SLC35F4: variants seen among roughly 807,000 people sequenced by gnomAD.
The protein encoded by SLC35F4 is chromosome 14 open reading frame 36.
SLC35F4 carries 24 observed loss-of-function variants against 44.2 expected under a neutral mutation model. That is an observed-to-expected ratio of 0.54 (90% confidence interval 0.39 to 0.76). SLC35F4 has a LOEUF of 0.76. SLC35F4 is among the 30% of genes least tolerant of loss of function. The pLI, the probability that SLC35F4 is intolerant of heterozygous loss-of-function variation, is 0.00. For synonymous variants in SLC35F4, 238 were observed against 223.6 expected (o/e 1.06, Z -0.57); for missense variants, 562 against 586.1 (o/e 0.96, Z 0.42).
At chr14:57,632,909 A>G (rs997735162) in intron 1 of SLC35F4, among the ~76,000 whole-genome samples, 2 of 151,756 alleles carry the variant, frequency 1.3e-5, no homozygotes, top group East Asian at 1.9e-4. Context: ...CCTCCCTTCA[A>G]TCTATGACAA....
At chr14:57,566,604 AAT>A in intron 6 of SLC35F4, 40 bp from the exon 7 acceptor site, 1 of 1,541,322 alleles carries the variant, frequency 6.5e-7, no homozygotes, top group African/African-American at 1.4e-5. Context: ...AAAGAGAAAT[AAT>A]ACGCTGGACT....
At chr14:57,838,827 A>G (rs940621341) in intron 1 of SLC35F4, among the ~76,000 whole-genome samples, 3 of 152,352 alleles carry the variant, frequency 2.0e-5, no homozygotes, top group Admixed American at 2.0e-4. Context: ...AGCAAAAGGC[A>G]GGAAAATACA....
At chr14:57,800,267 C>T (rs1418347058) in intron 1 of SLC35F4, among the ~76,000 whole-genome samples, 2 of 152,102 alleles carry the variant, frequency 1.3e-5, no homozygotes, top group African/African-American at 4.8e-5. Flanking sequence ...TGCAGCAGTC[C>T]CTGCAGTAGA....
At chr14:57,742,170 G>A (rs1263501082) in intron 1 of SLC35F4, among the ~76,000 whole-genome samples, 4 of 152,084 alleles carry the variant, frequency 2.6e-5, no homozygotes, top group African/African-American at 7.2e-5. Context: ...ATCAACTAAC[G>A]AGCAAAATAA....
intron 1 of SLC35F4, among the ~76,000 whole-genome samples, chr14:57,853,479 A>G (rs965393001): frequency 2.0e-5 from 3 of 152,198 alleles, no homozygotes; most frequent in African/African-American, 7.2e-5. Context: ...GGGTTACAGG[A>G]GAGGGCCTCT....
intron 1 of SLC35F4, among the ~76,000 whole-genome samples, chr14:57,908,650 T>C (rs898493059): frequency 6.6e-6 from 1 of 152,176 alleles, no homozygotes; most frequent in African/African-American, 2.4e-5. Context: ...TTCTTGTAAA[T>C]TTGTTTCAGT....
intron 1 of SLC35F4, among the ~76,000 whole-genome samples, chr14:57,967,103 A>G (rs117614712): frequency 0.029 from 4,463 of 152,302 alleles, 80 homozygotes; most frequent in Non-Finnish European, 0.047. Context: ...TTTAAAGATA[A>G]TAATATTTTC....
At chr14:57,660,664 T>G (rs779216235) in intron 1 of SLC35F4, among the ~76,000 whole-genome samples, 12 of 152,096 alleles carry the variant, frequency 7.9e-5, no homozygotes, top group Non-Finnish European at 1.5e-4. Context: ...CTGTCTTTGT[T>G]GCTCAAGCTC....
chr14:57,685,326 T>TG (rs2075036010), intron 1 of SLC35F4, among the ~76,000 whole-genome samples: 1 of 152,136 alleles, frequency 6.6e-6, no homozygotes, highest in Non-Finnish European at 1.5e-5. Context: ...GTAGAGTACT[T>TG]GACTTCACCA....
chr14:57,648,132 A>G (rs1477452080), intron 1 of SLC35F4, among the ~76,000 whole-genome samples: 2 of 152,306 alleles, frequency 1.3e-5, no homozygotes, highest in East Asian at 3.9e-4. Context: ...AGCATCAGAT[A>G]TTATACCTCA....
intron 1 of SLC35F4, among the ~76,000 whole-genome samples, chr14:57,739,880 GAC>G (rs1287690639): frequency 2.0e-5 from 3 of 152,198 alleles, no homozygotes; most frequent in Non-Finnish European, 4.4e-5. Context: ...GTTGTTTTGA[GAC>G]AGTGTCTCAC....
At chr14:57,774,983 C>T (rs2077453651) in intron 1 of SLC35F4, among the ~76,000 whole-genome samples, 1 of 152,216 alleles carries the variant, frequency 6.6e-6, no homozygotes. Flanking sequence ...CCTTATCAGA[C>T]ATGGAGCCTG....
At position 57,855,229 on chromosome 14, in the gene SLC35F4, T is replaced by C. The variant is rs10135049; in HGVS notation, c.103+10494A>G. 4.6e-3 allele frequency among the ~76,000 whole-genome samples: 703 copies of C among 152,236 alleles called. 5 individuals carry two copies. The highest frequency in any genetic ancestry group is 0.016 in the African/African-American group (670 of 41,532). ...TGATCTGAGAGGAAGTTAAAGAAAC[T>C]ATCATCAGAGTAAACAGGCAACCTA... On this transcript the variant is annotated intron_variant, in intron 1 of 7. Coordinates refer to ENST00000556826, the MANE Select transcript of SLC35F4 (RefSeq NM_001306087.2).
chr14:57,566,120 T>G (rs268820), intron 7 of SLC35F4, among the ~76,000 whole-genome samples: 33,505 of 152,188 alleles, frequency 0.22, 3,866 homozygotes, highest in East Asian at 0.32. Context: ...TCCTCTGCAC[T>G]TTCATTAGTG....
At chr14:57,837,302 T>C (rs1885028205) in intron 1 of SLC35F4, 1 of 152,176 alleles carries the variant, frequency 6.6e-6, no homozygotes, top group Non-Finnish European at 1.5e-5. Flanking sequence ...GAATTCCTAA[T>C]TGCGAAGAAT....
chr14:57,921,132 C>T (rs186941843), intron 1 of SLC35F4, among the ~76,000 whole-genome samples: 167 of 152,294 alleles, frequency 1.1e-3, no homozygotes, highest in African/African-American at 3.8e-3. Context: ...AACCAGAACA[C>T]ACATCCACTT....
intron 1 of SLC35F4, among the ~76,000 whole-genome samples, chr14:57,740,289 C>T (rs2076572716): frequency 6.6e-6 from 1 of 152,144 alleles, no homozygotes. Flanking sequence ...TTGTCATATA[C>T]TTCATTTTCC....
chr14:57,980,372 G>T (rs1881340578), intron 1 of SLC35F4, among the ~76,000 whole-genome samples: 2 of 152,188 alleles, frequency 1.3e-5, no homozygotes, highest in South Asian at 2.1e-4. Context: ...CCTGAACAGG[G>T]TGTCTTGGAA....
chr14:57,791,192 C>A (rs565797795), intron 1 of SLC35F4, among the ~76,000 whole-genome samples: 6 of 152,226 alleles, frequency 3.9e-5, no homozygotes, highest in African/African-American at 1.2e-4. Context: ...TCGGAGTGAA[C>A]AGGCAATCTA....
Sources: gnomAD v4.1 joint callset for allele counts (sites outside exome capture counted in the v4.1 genomes callset) on GRCh38, gnomAD v4.1.1 for gene constraint, MANE v1.5 for transcripts, NCBI Gene and HGNC (gene_info 2026-07-23, HGNC 2026-07-21) for gene names.